The following RP1 variants were observed in gnomAD, a reference collection of about 807,000 sequenced individuals.
RP1 encodes oxygen-regulated protein 1.
Under a neutral mutation model 14.8 loss-of-function variants are expected in RP1, and 16 were observed. That is an observed-to-expected ratio of 1.08 (90% CI 0.73 to 1.65). RP1 has a LOEUF of 1.65. Among genes scored for constraint, RP1 ranks in the 40% most tolerant of loss-of-function variants. The pLI is 0.00. For synonymous variants in RP1, 876 were observed against 883.6 expected (o/e 0.99, Z 0.15); for missense variants, 2,631 against 2,535.0 (o/e 1.04, Z -0.81).
intron 7 of RP1, chr8:54,673,708 C>A: frequency 3.0e-6 from 2 of 676,782 alleles, no homozygotes; most frequent in Non-Finnish European, 4.9e-6. Context: ...TCATTGCACT[C>A]CAGCCTGGGT....
At chr8:54,670,913 G>A (rs1293518618) in intron 7 of RP1, among the ~76,000 whole-genome samples, 1 of 150,920 alleles carries the variant, frequency 6.6e-6, no homozygotes, top group Non-Finnish European at 1.5e-5. Context: ...TTGGCTTACC[G>A]CAAGCCTCTG....
exon 22 of RP1, chr8:54,759,042 G>A (rs948437504): frequency 5.2e-6 from 8 of 1,535,484 alleles, no homozygotes; most frequent in South Asian, 1.2e-5. Flanking sequence ...CAGAGAGCCC[G>A]GCACCACATC....
intron 19 of RP1, among the ~76,000 whole-genome samples, chr8:54,749,526 T>C (rs747625825): frequency 1.3e-5 from 2 of 152,036 alleles, no homozygotes; most frequent in African/African-American, 2.4e-5. Flanking sequence ...TGATCCTTGC[T>C]CCATTGATAT....
At chr8:54,833,148 A>T (rs2129401684) in intron 24 of RP1, among the ~76,000 whole-genome samples, 1 of 151,794 alleles carries the variant, frequency 6.6e-6, no homozygotes, top group African/African-American at 2.4e-5. Context: ...CCTTTCTGGG[A>T]TCTCCCCTCT....
chr8:54,656,205 T>C (rs2129327328), exon 6 of RP1: 1 of 1,534,874 alleles, frequency 6.5e-7, no homozygotes, highest in African/African-American at 1.4e-5. Flanking sequence ...AAGGACAACC[T>C]GTCCTTCCAG....
At chr8:54,817,518 G>A (rs996051627) in intron 24 of RP1, among the ~76,000 whole-genome samples, 16 of 152,132 alleles carry the variant, frequency 1.1e-4, no homozygotes, top group African/African-American at 3.1e-4. Flanking sequence ...AGAGTGGTAG[G>A]GAATGAAACT....
At position 54,624,665 on chromosome 8, in the gene RP1, T is replaced by TA. The variant is rs747578124; in HGVS notation, c.788-2dup. ...GGGCACCTTTTACTCTTAAAATCTT[T>TA]AAAGTAAGCACACATATGTCTTCAA... is the stretch of plus-strand genomic sequence containing the variant. On this transcript the variant is annotated splice_polypyrimidine_tract_variant and splice_region_variant and intron_variant, in intron 3 of 3. Coordinates refer to ENST00000220676, the MANE Select transcript of RP1 (RefSeq NM_006269.2). 1 of 1,613,700 alleles carries TA rather than the reference T, an allele frequency of 6.2e-7. No homozygotes were observed. The highest frequency in any genetic ancestry group is 8.5e-7 in the Non-Finnish European group (1 of 1,179,854).
intron 23 of RP1, among the ~76,000 whole-genome samples, chr8:54,779,831 T>TGCTAACG (rs1307345183): frequency 6.6e-6 from 1 of 152,186 alleles, no homozygotes; most frequent in Non-Finnish European, 1.5e-5. Flanking sequence ...CTGATAGAAA[T>TGCTAACG]GCTAACGGTA....
chr8:54,614,358 T>A (rs420455), upstream of RP1, among the ~76,000 whole-genome samples: 33,288 of 152,170 alleles, frequency 0.22, 4,244 homozygotes, highest in East Asian at 0.46. Context: ...ATATGAACTC[T>A]GCCAATGAGG....
At position 54,621,266 on chromosome 8, in the gene RP1, C is replaced by G; in HGVS notation, c.300C>G (p.Asp100Glu). 1 of 1,614,062 alleles carries G rather than the reference C, an allele frequency of 6.2e-7. No individual in the cohort carries two copies. The highest frequency in any genetic ancestry group is 2.2e-5 in the East Asian group (1 of 44,856). ...HSITRLEELE[D>E]GESYLCSHGR... The stretch of plus-strand genomic sequence containing the variant: ...TCACGCGCCTGGAGGAGCTGGAGGA[C>G]GGCGAGTCCTACCTATGTTCCCACG... The change falls in exon 2 of 4, where the codon GAC becomes GAG. Residue 100 changes from aspartate (D) to glutamate (E), a missense_variant. Coordinates refer to ENST00000220676, the MANE Select transcript of RP1 (RefSeq NM_006269.2).
rs1293921267 is a variant in RP1, at chr8:54,606,681, A to G, written c.-12-14274A>G. On this transcript the variant is annotated intron_variant, in intron 1 of 22. Transcript: ENST00000636932. Reference sequence around the variant, plus strand: ...TCTCCTCATCACTTTCAGGTACACCAATCAGACGTAGATTTGGTCTTTTCA... The same window carrying G: ...TCTCCTCATCACTTTCAGGTACACCGATCAGACGTAGATTTGGTCTTTTCA... Among the ~76,000 whole-genome samples the G allele has an allele frequency of 2.6e-5, 4 of 152,316 alleles. No individual in the cohort carries two copies. In the East Asian group the frequency reaches 7.7e-4, roughly 29 times the overall value.
chr8:54,600,671 G>A (rs1319270851), intron 1 of RP1, among the ~76,000 whole-genome samples: 2 of 152,186 alleles, frequency 1.3e-5, no homozygotes, highest in Non-Finnish European at 2.9e-5. Flanking sequence ...GGCTTCCCAA[G>A]GCAGATAAGA....
intron 22 of RP1, among the ~76,000 whole-genome samples, chr8:54,769,174 A>C (rs554253302): frequency 6.6e-6 from 1 of 152,172 alleles, no homozygotes; most frequent in Non-Finnish European, 1.5e-5. Context: ...GATTACAGGC[A>C]TGAGCCACCA....
intron 9 of RP1, chr8:54,679,326 C>T (rs1324867187): frequency 1.8e-6 from 2 of 1,125,660 alleles, no homozygotes; most frequent in Non-Finnish European, 2.6e-6. Context: ...TTTCCCTTTC[C>T]TGCTATCTTG....
intron 12 of RP1, among the ~76,000 whole-genome samples, chr8:54,693,442 A>G (rs2129340331): frequency 6.6e-6 from 1 of 152,130 alleles, no homozygotes; most frequent in African/African-American, 2.4e-5. Context: ...GATTCTTCCT[A>G]CCCATGAGTA....
chr8:54,642,805 A>G (rs192870869), intron 3 of RP1, among the ~76,000 whole-genome samples: 1 of 152,248 alleles, frequency 6.6e-6, no homozygotes, highest in Non-Finnish European at 1.5e-5. Flanking sequence ...CCATTCAATA[A>G]AGGTATGTGA....
rs61233765 is a variant in RP1, at chr8:54,863,044, GATATATATATAT to G, written c.4070-2768_4070-2757del. Among the ~76,000 whole-genome samples the G allele has an allele frequency of 3.1e-3, 317 of 101,850 alleles. 6 individuals carry two copies. Among genetic ancestry groups the G allele is most frequent in the East Asian group, 5.4e-3 (16 of 2,976 alleles). The allele number at this position is 101,850 out of a possible 152,430, so 66.8% of individuals were successfully genotyped here. ...CTCTACCCCCAGAGTATTCCAAATG[GATATATATATAT>G]ATATATATATATATATATATATGCA... On this transcript the variant is annotated intron_variant, in intron 27 of 28. Transcript: ENST00000637698.
At chr8:54,704,194 G>A (rs1398074945) in intron 14 of RP1, among the ~76,000 whole-genome samples, 4 of 152,096 alleles carry the variant, frequency 2.6e-5, no homozygotes, top group African/African-American at 7.2e-5. Flanking sequence ...GATCTTCCTC[G>A]CTAAGCTCAG....
Position 54,685,892 on chromosome 8 carries a change from G to A in RP1, c.1717+5959G>A, listed in dbSNP as rs561713204. ...CTTCTTGGAACCCAGCCCTCAGGTG[G>A]AAAGGAAACCAGGCAGCCATGCAGA... On this transcript the variant is annotated intron_variant, in intron 12 of 22. Transcript: ENST00000636932. Among the ~76,000 whole-genome samples the A allele has an allele frequency of 3.9e-5, 6 of 152,276 alleles. 1 individual carries two copies. The South Asian group carries it at 1.2e-3, about 32-fold the overall frequency.
Sources: gnomAD v4.1 joint callset for allele counts (sites outside exome capture counted in the v4.1 genomes callset) on GRCh38, gnomAD v4.1.1 for gene constraint, MANE v1.5 for transcripts, NCBI Gene and HGNC (gene_info 2026-07-23, HGNC 2026-07-21) for gene names.